Variants in HMG20B observed in about 807,000 individuals in gnomAD.
HMG20B encodes high mobility group 20B.
HMG20B carries 24 observed loss-of-function variants against 41.6 expected under a neutral mutation model. That is an observed-to-expected ratio of 0.58 (90% CI 0.42 to 0.81). The LOEUF is 0.81. Among genes scored for constraint, HMG20B ranks in the 30% least tolerant of loss-of-function variants. The pLI is 0.00. For synonymous variants in HMG20B, 251 were observed against 186.6 expected (o/e 1.34, Z -2.81); for missense variants, 461 against 444.0 (o/e 1.04, Z -0.34).
intron 9 of HMG20B, 40 bp downstream of exon 9, chr19:3,578,153 G>A: frequency 6.3e-7 from 1 of 1,593,576 alleles, no homozygotes; most frequent in South Asian, 1.1e-5. Context: ...GGGGTTCAAG[G>A]CCCGGATGTG....
rs2032228678 is a variant in HMG20B at position 3,578,712 on chromosome 19, C to T, written c.*191C>T. ...TTTCAATCTCCCCAGCCCCCTGAACCCGGAAAAAGCACTCGCTGCGCGATA... is the reference window on the plus strand; with the variant it reads ...TTTCAATCTCCCCAGCCCCCTGAACTCGGAAAAAGCACTCGCTGCGCGATA... On this transcript the variant is annotated 3_prime_UTR_variant, in exon 10 of 10. Coordinates refer to ENST00000333651, the MANE Select transcript of HMG20B (RefSeq NM_006339.3). 2.4e-6 allele frequency: 2 copies of T among 829,492 alleles called. No homozygotes were observed. The highest frequency in any genetic ancestry group is 1.9e-5 in the Admixed American group (1 of 52,652). The allele number at this position is 829,492 out of a possible 1,614,324, so 51.4% of individuals were successfully genotyped here.
In HMG20B at chr19:3,578,814, C is replaced by T. The variant is rs1329602640; in HGVS notation, c.*293C>T. ...GCGCTACACTGGCTCTCCGGGCCACCCCCAGGACACAGGGCAGACGAAACC... is the reference window on the plus strand; with the variant it reads ...GCGCTACACTGGCTCTCCGGGCCACTCCCAGGACACAGGGCAGACGAAACC... On this transcript the variant is annotated 3_prime_UTR_variant, in exon 10 of 10. Transcript: ENST00000333651. 5.7e-6 allele frequency: 4 copies of T among 699,682 alleles called. No individual in the cohort carries two copies. Among genetic ancestry groups the T allele is most frequent in the Admixed American group, 5.6e-5 (3 of 53,832 alleles). 43.3% of individuals were successfully genotyped at this position (699,682 alleles called of 1,614,324 possible).
intron 6 of HMG20B, 68 bp downstream of exon 6, chr19:3,576,375 C>A: frequency 6.6e-7 from 1 of 1,525,778 alleles, no homozygotes. Flanking sequence ...AACCCTGAGT[C>A]AGAGCCAGTG....
Position 3,578,543 on chromosome 19 carries a change from C to A in HMG20B, c.*22C>A. 6.4e-7 allele frequency: 1 copy of A among 1,568,822 alleles called. No homozygotes were observed. The highest frequency in any genetic ancestry group is 2.4e-5 in the East Asian group (1 of 42,114). On this transcript the variant is annotated 3_prime_UTR_variant, in exon 10 of 10. Transcript: ENST00000333651. ...GTGAGGAGTGGGCGGGCCCACGATG[C>A]AGAGGAGAAGCTGTGGGCGCGGCCC...
intron 8 of HMG20B, 100 bp downstream of exon 8, chr19:3,577,207 G>T: frequency 1.2e-6 from 1 of 853,220 alleles, no homozygotes; most frequent in South Asian, 1.9e-5. Context: ...GCCCGGCGCC[G>T]CCCATCGCCC....
At chr19:3,573,998 A>G (rs1304140047) in intron 3 of HMG20B, 198 bp downstream of exon 3, 1 of 699,334 alleles carries the variant, frequency 1.4e-6, no homozygotes, top group Admixed American at 2.1e-5. Flanking sequence ...CGCCCACCGC[A>G]CAATGCCAGC....
At chr19:3,577,348 T>A (rs998701726) in intron 8 of HMG20B, among the ~76,000 whole-genome samples, 2 of 122,728 alleles carry the variant, frequency 1.6e-5, no homozygotes, top group African/African-American at 6.2e-5. Context: ...ACACCCGAGC[T>A]CCGCTCCGCG....
chr19:3,574,779 C>T (rs560558613), intron 4 of HMG20B, among the ~76,000 whole-genome samples, 193 bp downstream of exon 4: 1 of 148,586 alleles, frequency 6.7e-6, no homozygotes, highest in Non-Finnish European at 1.5e-5. Flanking sequence ...AGTGCAGTGG[C>T]GTGATCTCAG....
intron 5 of HMG20B, chr19:3,575,986 G>A (rs1481304801): frequency 2.8e-5 from 16 of 562,180 alleles, no homozygotes; most frequent in Non-Finnish European, 4.4e-5. Context: ...AGGTGGGAGG[G>A]GCCGGTGCGA....
chr19:3,578,079 G>T lies in HMG20B; in HGVS notation c.907G>T (p.Val303Phe), dbSNP rs768955244. ...RDPAQHEKLI[V>F]RIKEILAQVA... is the part of the protein sequence containing the mutation. ...CCCCGCCCAGCACGAGAAGCTCATCGTCCGCATCAAGGAAATCCTGGCCCA... is the reference window on the plus strand; with the variant it reads ...CCCCGCCCAGCACGAGAAGCTCATCTTCCGCATCAAGGAAATCCTGGCCCA... Residue 303 changes from valine (V) to phenylalanine (F), a missense_variant, in exon 9 of 10, where the codon GTC (valine) becomes TTC (phenylalanine). Physicochemically the swap from Val to Phe is conservative, Grantham distance 50. This residue lies in a region of HMG20B where 308 missense variants were observed against 283.4 expected (regional missense o/e 1.09). Transcript: ENST00000333651. The T allele has an allele frequency of 3.1e-6, 5 of 1,611,354 alleles. No homozygotes were observed. The highest frequency in any genetic ancestry group is 4.2e-6 in the Non-Finnish European group (5 of 1,179,474).
At chr19:3,578,184 G>C (rs748387807) in intron 9 of HMG20B, 71 bp downstream of exon 9, 1 of 1,565,996 alleles carries the variant, frequency 6.4e-7, no homozygotes, top group Non-Finnish European at 8.6e-7. Flanking sequence ...GGTTCCCCAG[G>C]TCCGCGAGGG....
chr19:3,578,791 G>T lies in HMG20B; in HGVS notation c.*270G>T, dbSNP rs780888223. 1 of 728,596 alleles carries T rather than the reference G, an allele frequency of 1.4e-6. No individual in the cohort carries two copies. The highest frequency in any genetic ancestry group is 1.7e-5 in the African/African-American group (1 of 58,294). The allele number at this position is 728,596 out of a possible 1,614,324, so 45.1% of individuals were successfully genotyped here. Reference sequence around the variant, plus strand: ...GCCCCTCCTCGGAGGACAGCCACGCGCTACACTGGCTCTCCGGGCCACCCC... The same window carrying T: ...GCCCCTCCTCGGAGGACAGCCACGCTCTACACTGGCTCTCCGGGCCACCCC... On this transcript the variant is annotated 3_prime_UTR_variant, in exon 10 of 10. Coordinates refer to ENST00000333651, the MANE Select transcript of HMG20B (RefSeq NM_006339.3).
rs1359296094 is a variant in HMG20B, at chr19:3,574,506, C to A, written c.271C>A (p.Arg91Ser). ...LNERREQIRT[R>S]HPDLPFPEIT... Reference sequence around the variant, plus strand: ...CGAGCGGCGCGAGCAGATCCGCACGCGCCACCCGGATCTGCCCTTTCCCGA... The same window carrying A: ...CGAGCGGCGCGAGCAGATCCGCACGAGCCACCCGGATCTGCCCTTTCCCGA... The change falls in exon 4 of 10, where the codon CGC (arginine) becomes AGC (serine). Residue 91 changes from arginine (R) to serine (S), a missense_variant. By Grantham distance (110) the Arg-to-Ser change is moderately radical. Coordinates refer to ENST00000333651, the MANE Select transcript of HMG20B (RefSeq NM_006339.3). The A allele has an allele frequency of 6.2e-7, 1 of 1,606,032 alleles. No homozygotes were observed. Among genetic ancestry groups the A allele is most frequent in the South Asian group, 1.1e-5 (1 of 89,954 alleles).
chr19:3,576,630 G>A lies in HMG20B; in HGVS notation c.592+5G>A, dbSNP rs199835191. 1.2e-6 allele frequency: 2 copies of A among 1,610,614 alleles called. No homozygotes were observed. The highest frequency in any genetic ancestry group is 2.2e-5 in the East Asian group (1 of 44,860). The stretch of plus-strand genomic sequence containing the variant: ...AGTTCTTGGACCAAAACAAAGGTGA[G>A]CGGTAACTGCGCTCCTGATGCGAAC... On this transcript the variant is annotated splice_donor_5th_base_variant and intron_variant, in intron 7 of 9. Coordinates refer to ENST00000333651, the MANE Select transcript of HMG20B (RefSeq NM_006339.3).
intron 5 of HMG20B, chr19:3,576,036 A>G: frequency 1.7e-6 from 1 of 590,820 alleles, no homozygotes; most frequent in Non-Finnish European, 3.0e-6. Flanking sequence ...ACCTCAGCCC[A>G]GGCAGGGCCT....
At position 3,573,690 on chromosome 19, in the gene HMG20B, AG is replaced by A; in HGVS notation, c.39del. The A allele has an allele frequency of 6.7e-7, 1 of 1,500,802 alleles. No homozygotes were observed. The highest frequency in any genetic ancestry group is 8.9e-7 in the Non-Finnish European group (1 of 1,129,880). The allele number at this position is 1,500,802 out of a possible 1,614,324, so 93.0% of individuals were successfully genotyped here. A position where few individuals can be genotyped will look rare whatever the true frequency, so the allele number is the denominator to read the frequency against. Reference sequence around the variant, plus strand: ...GGCTGACCGCGGTATCCTTGGCTCCAGGCCGGCGGGCGGCAAGGCTCCGGGC... The same window carrying A: ...GGCTGACCGCGGTATCCTTGGCTCCAGCCGGCGGGCGGCAAGGCTCCGGGC... On this transcript the variant is annotated splice_acceptor_variant, in intron 2 of 9. Transcript: ENST00000333651. LOFTEE classifies it high-confidence loss of function.
At position 3,578,046 on chromosome 19, in the gene HMG20B, G is replaced by A. The variant is rs763544710; in HGVS notation, c.874G>A (p.Glu292Lys). 9 of 1,610,348 alleles carry A rather than the reference G, an allele frequency of 5.6e-6. No homozygotes were observed. The highest frequency in any genetic ancestry group is 3.3e-4 in the Middle Eastern group (2 of 6,080). The change falls in exon 9 of 10, where the codon GAG becomes AAG. Residue 292 changes from glutamate (E) to lysine (K), a missense_variant. This residue lies in a region of HMG20B where 308 missense variants were observed against 283.4 expected (regional missense o/e 1.09). Transcript: ENST00000333651. ...CATGGCCCGGCTTCACGGAGCCATC[G>A]AGCGCGACCCCGCCCAGCACGAGAA... ...FYMARLHGAI[E>K]RDPAQHEKLI...
chr19:3,578,455 G>A (rs964002789), intron 9 of HMG20B, 54 bp from the exon 10 acceptor site: 1 of 1,474,698 alleles, frequency 6.8e-7, no homozygotes, highest in South Asian at 1.4e-5. Flanking sequence ...CAGGGCCGGG[G>A]TGGGGGCCAG....
chr19:3,573,422 A>T, intron 2 of HMG20B, 75 bp downstream of exon 2: 1 of 1,396,634 alleles, frequency 7.2e-7, no homozygotes, highest in Non-Finnish European at 9.5e-7. Context: ...CCCCTGACCC[A>T]GTCCCTCCCG....
Sources: gnomAD v4.1 joint callset for allele counts (sites outside exome capture counted in the v4.1 genomes callset) on GRCh38, gnomAD v4.1.1 for gene constraint, gnomAD v4.1.1 regional missense constraint, MANE v1.5 for transcripts, NCBI Gene and HGNC (gene_info 2026-07-23, HGNC 2026-07-21) for gene names.